Variants in HDAC9 observed in about 807,000 individuals in gnomAD.
HDAC9 encodes the protein histone deacetylase 9, also known as MEF-2 interacting transcription repressor (MITR) protein.
A neutral mutation model predicts 139.4 loss-of-function variants in HDAC9; 41 were observed. The observed-to-expected ratio is 0.29, with a 90% confidence interval of 0.23 to 0.38. HDAC9 has a LOEUF of 0.38. HDAC9 is among the 10% of genes least tolerant of loss of function. The probability of loss-of-function intolerance (pLI) is 1.00; values close to 1 mark genes in which losing one functional copy is unlikely to be tolerated. For synonymous variants in HDAC9, 517 were observed against 476.2 expected, an observed-to-expected ratio of 1.09 and a Z score of -1.12; for missense variants, 1,147 against 1,297.0, an observed-to-expected ratio of 0.88 and a Z score of 1.78.
chr7:18,819,593 G>T (rs893137486), intron 17 of HDAC9, among the ~76,000 whole-genome samples: 1 of 151,602 alleles, frequency 6.6e-6, no homozygotes, highest in Non-Finnish European at 1.5e-5. Flanking sequence ...ATATTCTCTT[G>T]TACTTCCGCA....
At chr7:18,514,310 T>G (rs1276531783) in intron 2 of HDAC9, among the ~76,000 whole-genome samples, 1 of 152,236 alleles carries the variant, frequency 6.6e-6, no homozygotes, top group Non-Finnish European at 1.5e-5. Context: ...TTAGAACTAT[T>G]TATTACCATC....
intron 11 of HDAC9, among the ~76,000 whole-genome samples, chr7:18,653,495 T>A (rs1192421840): frequency 6.6e-6 from 1 of 152,140 alleles, no homozygotes; most frequent in African/African-American, 2.4e-5. Flanking sequence ...AACACTTTTT[T>A]AAAAACTTAC....
chr7:18,486,668 C>G (rs904900875), intron 1 of HDAC9, among the ~76,000 whole-genome samples: 1 of 152,078 alleles, frequency 6.6e-6, no homozygotes, highest in Non-Finnish European at 1.5e-5. Flanking sequence ...TCTCTGGAAT[C>G]TTGAATATCT....
chr7:18,089,415 A>G (rs1302650640), intron 1 of HDAC9, among the ~76,000 whole-genome samples: 1 of 152,094 alleles, frequency 6.6e-6, no homozygotes, highest in Non-Finnish European at 1.5e-5. Context: ...TTGTTTGGTG[A>G]CCAAATTAAG....
intron 1 of HDAC9, chr7:18,127,205 T>A (rs1380010208): frequency 5.9e-6 from 1 of 168,648 alleles, no homozygotes; most frequent in Non-Finnish European, 1.5e-5. Flanking sequence ...CTAGTAATAT[T>A]TGAATTTTAT....
In HDAC9 at chr7:18,986,887, A is replaced by C. The variant is rs1464201493; in HGVS notation, c.3171-9136A>C. ...GCTGTTTGTCTGTTGTTGGTGTATA[A>C]GAATGCTTGTGATTTTTGTACATTG... On this transcript the variant is annotated intron_variant, in intron 25 of 25. Transcript: ENST00000686413. Among the ~76,000 whole-genome samples the C allele has an allele frequency of 5.9e-5, 9 of 152,236 alleles. No homozygotes were observed. In the East Asian group the frequency reaches 1.7e-3, roughly 29 times the overall value.
chr7:18,751,587 T>C (rs1435640045), intron 14 of HDAC9, among the ~76,000 whole-genome samples: 1 of 151,736 alleles, frequency 6.6e-6, no homozygotes, highest in Non-Finnish European at 1.5e-5. Context: ...TATGAGATGC[T>C]AACCTAAACC....
chr7:18,515,359 A>G (rs1009411708), intron 2 of HDAC9, among the ~76,000 whole-genome samples: 1 of 152,344 alleles, frequency 6.6e-6, no homozygotes, highest in South Asian at 2.1e-4. Context: ...ATTCACAAAT[A>G]TTCAGTATTC....
At chr7:18,733,139 ATGTATACACATATATACACG>A (rs1190126638) in intron 13 of HDAC9, among the ~76,000 whole-genome samples, 8 of 146,030 alleles carry the variant, frequency 5.5e-5, no homozygotes, top group Non-Finnish European at 1.2e-4. Context: ...ATATATACAC[ATGTATACACATATATACACG>A]TGTATACACA....
intron 1 of HDAC9, among the ~76,000 whole-genome samples, chr7:18,355,869 T>C (rs777864198): frequency 4.6e-5 from 7 of 152,128 alleles, no homozygotes; most frequent in South Asian, 2.1e-4. Flanking sequence ...GAGGCCTATC[T>C]ATAGATAAAC....
chr7:18,257,098 A>ATG (rs376860335), intron 2 of HDAC9, among the ~76,000 whole-genome samples: 4 of 141,888 alleles, frequency 2.8e-5, no homozygotes, highest in African/African-American at 5.2e-5. Flanking sequence ...CAAATTGTGT[A>ATG]TGTGTGTGTG....
chr7:18,265,515 C>T (rs1368468546), intron 2 of HDAC9, among the ~76,000 whole-genome samples: 3 of 152,092 alleles, frequency 2.0e-5, no homozygotes, highest in African/African-American at 7.2e-5. Flanking sequence ...AGTCTATGCA[C>T]ATTTCTTAAG....
In HDAC9 at chr7:18,412,724, A is replaced by T. The variant is rs1356202239; in HGVS notation, c.-41-83538A>T. ...ATTCATAATAAAAAGTATATGCCAC[A>T]TGCAACAGGGACTCATATCTCCAGT... is the stretch of plus-strand genomic sequence containing the variant. On this transcript the variant is annotated intron_variant, in intron 1 of 3. Transcript: ENST00000413509. Among the ~76,000 whole-genome samples the T allele has an allele frequency of 3.3e-5, 5 of 152,238 alleles. No individual in the cohort carries two copies. In the East Asian group the frequency reaches 9.6e-4, roughly 29 times the overall value.
rs117010783 is a variant in HDAC9 at position 18,185,706 on chromosome 7, A to G, written c.25+23357A>G. Among the ~76,000 whole-genome samples the G allele has an allele frequency of 3.0e-3, 460 of 152,238 alleles. 19 individuals are homozygous for G. In the East Asian group the frequency reaches 0.074, roughly 25 times the overall value. Reference sequence around the variant, plus strand: ...TCAGCTATGGGCCTCGTTTTCCCCTACCTTCATATTGTTCCAACTTATGAA... The same window carrying G: ...TCAGCTATGGGCCTCGTTTTCCCCTGCCTTCATATTGTTCCAACTTATGAA... On this transcript the variant is annotated intron_variant, in intron 2 of 12. Transcript: ENST00000417496.
chr7:18,857,196 CTTTT>C (rs1011805365), intron 21 of HDAC9, among the ~76,000 whole-genome samples: 1 of 151,330 alleles, frequency 6.6e-6, no homozygotes, highest in African/African-American at 2.4e-5. Context: ...AATTGCTTCT[CTTTT>C]TTTATTTTTT....
At chr7:18,879,867 AACAG>A (rs1165465067) in intron 22 of HDAC9, among the ~76,000 whole-genome samples, 3 of 152,214 alleles carry the variant, frequency 2.0e-5, no homozygotes, top group East Asian at 1.9e-4. Flanking sequence ...GAACAGGGTT[AACAG>A]ACAGCCTACA....
chr7:18,186,632 A>C (rs1290933142), intron 2 of HDAC9, among the ~76,000 whole-genome samples: 1 of 152,258 alleles, frequency 6.6e-6, no homozygotes, highest in Non-Finnish European at 1.5e-5. Flanking sequence ...ATTTGTGGTC[A>C]GAAGACCTTA....
At chr7:18,956,480 G>GAGCCTGGC (rs1236415688) in intron 24 of HDAC9, among the ~76,000 whole-genome samples, 1 of 152,134 alleles carries the variant, frequency 6.6e-6, no homozygotes, top group Middle Eastern at 3.4e-3. Flanking sequence ...AGGTGCTTGG[G>GAGCCTGGC]AGCCTGGCCA....
rs189424433 is a variant in HDAC9 at position 18,825,670 on chromosome 7, G to A, written c.2323-3491G>A. ...GAAGAAGAAAAACGTGGGAGCTGGA[G>A]GGATTGATGGGATTAAGGACAAAGA... On this transcript the variant is annotated intron_variant, in intron 17 of 25. Transcript: ENST00000686413. Among the ~76,000 whole-genome samples the A allele has an allele frequency of 2.7e-5, 4 of 150,554 alleles. No homozygotes were observed. In the East Asian group the frequency reaches 7.8e-4, roughly 29 times the overall value.
Sources: allele counts gnomAD v4.1 joint callset (sites outside exome capture counted in the v4.1 genomes callset), GRCh38; gene constraint gnomAD v4.1.1; transcripts MANE v1.5; gene names NCBI Gene and HGNC (gene_info 2026-07-23, HGNC 2026-07-21).